The following PCDHGA2 variants were observed in gnomAD, a reference collection of about 807,000 sequenced individuals.
The protein encoded by PCDHGA2 is protocadherin gamma-A2.
PCDHGA2 carries 40 observed loss-of-function variants against 59.2 expected under a neutral mutation model. The ratio of observed to expected loss-of-function variants is 0.68; its 90% CI spans 0.52 to 0.88. The LOEUF is 0.88. PCDHGA2 is among the 40% of genes least tolerant of loss of function. The probability of loss-of-function intolerance (pLI) is 0.00; values close to 1 mark genes in which losing one functional copy is unlikely to be tolerated. For missense variants in PCDHGA2, 1,226 were observed against 1,204.0 expected, an observed-to-expected ratio of 1.02 and a Z score of -0.27; for synonymous variants, 560 against 526.0, an observed-to-expected ratio of 1.06 and a Z score of -0.89.
At chr5:141,364,571 A>G (rs750353960) in intron 1 of PCDHGA2, 5 of 1,614,012 alleles carry the variant, frequency 3.1e-6, no homozygotes, top group Admixed American at 3.3e-5. Flanking sequence ...GAACCCGCGA[A>G]GCGGCAGCTT....
chr5:141,425,934 G>A lies in PCDHGA2; in HGVS notation c.2425-68873G>A, dbSNP rs1237431530. Among the ~76,000 whole-genome samples, 4 of 152,352 alleles carry A rather than the reference G, an allele frequency of 2.6e-5. 1 individual carries two copies. Among genetic ancestry groups the A allele is most frequent in the East Asian group, 1.9e-4 (1 of 5,188 alleles). On this transcript the variant is annotated intron_variant, in intron 1 of 3. Coordinates refer to ENST00000394576, the MANE Select transcript of PCDHGA2 (RefSeq NM_018915.4). ...CAGTCACTACGAAAACTCATAAAAT[G>A]TCTAGTTTCCTATACATTAGTCCAA...
At chr5:141,450,829 A>T (rs187691791) in intron 1 of PCDHGA2, among the ~76,000 whole-genome samples, 19,077 of 135,014 alleles carry the variant, frequency 0.14, 1,595 homozygotes, top group African/African-American at 0.24. Context: ...TATTATTATT[A>T]TTTTTTTTTT....
chr5:141,393,526 A>G, intron 1 of PCDHGA2: 3 of 1,613,974 alleles, frequency 1.9e-6, no homozygotes, highest in East Asian at 2.2e-5. Context: ...ACAAATGACA[A>G]TGCCCCGGTT....
At chr5:141,426,775 A>G (rs2096959432) in intron 1 of PCDHGA2, 1 of 456,496 alleles carries the variant, frequency 2.2e-6, no homozygotes, top group South Asian at 1.5e-5. Context: ...GTAGGGCCTC[A>G]CTCTCTCCAG....
chr5:141,383,795 G>A (rs376874310), intron 1 of PCDHGA2: 12 of 1,613,822 alleles, frequency 7.4e-6, no homozygotes, highest in East Asian at 4.5e-5. Flanking sequence ...TCGCTTACAG[G>A]AGAAATATCA....
chr5:141,375,281 A>G (rs1157577123), intron 1 of PCDHGA2: 3 of 1,613,848 alleles, frequency 1.9e-6, no homozygotes, highest in Admixed American at 3.3e-5. Context: ...ATCAGTTGGC[A>G]ATTATTATCG....
At chr5:141,387,706 C>T in intron 1 of PCDHGA2, 1 of 992,322 alleles carries the variant, frequency 1.0e-6, no homozygotes. Flanking sequence ...CCAGGGCAGC[C>T]CCAGCTCAGA....
intron 1 of PCDHGA2, chr5:141,364,204 A>C (rs1763216193): frequency 1.7e-6 from 2 of 1,155,836 alleles, no homozygotes; most frequent in East Asian, 5.3e-5. Flanking sequence ...CAGACCAGAC[A>C]AGCTCCTACG....
chr5:141,349,649 A>G (rs1758332167), intron 1 of PCDHGA2, among the ~76,000 whole-genome samples: 1 of 152,212 alleles, frequency 6.6e-6, no homozygotes, highest in Admixed American at 6.5e-5. Flanking sequence ...GATTTAAAAT[A>G]CTAGATAAGG....
intron 1 of PCDHGA2, among the ~76,000 whole-genome samples, chr5:141,483,778 G>T (rs1012545478): frequency 1.6e-4 from 24 of 152,222 alleles, no homozygotes; most frequent in African/African-American, 5.8e-4. Context: ...ATTGGGGAAG[G>T]ATAAGAACTC....
Position 141,339,540 on chromosome 5 carries a change from A to G in PCDHGA2, c.569A>G (p.Lys190Arg), listed in dbSNP as rs765418882. 6.2e-7 allele frequency: 1 copy of G among 1,614,196 alleles called. No individual in the cohort carries two copies. The highest frequency in any genetic ancestry group is 2.2e-5 in the East Asian group (1 of 44,866). Residue 190 changes from lysine to arginine, a missense_variant, in exon 1 of 4, where the codon AAG (lysine) becomes AGG (arginine). By Grantham distance (26) the Lys-to-Arg change is conservative. Transcript: ENST00000394576. ...LDVRRGADGNKYPELVLERSL... is the reference protein window; with the variant it reads ...LDVRRGADGNRYPELVLERSL... ...GTGCGAAGGGGAGCTGATGGGAACA[A>G]GTACCCAGAACTGGTGCTGGAGCGC...
intron 1 of PCDHGA2, chr5:141,383,041 A>C: frequency 6.2e-7 from 1 of 1,613,860 alleles, no homozygotes; most frequent in Non-Finnish European, 8.5e-7. Context: ...TGTGGGAGAC[A>C]TCGCCAAGGA....
rs2233603 is a variant in PCDHGA2 at position 141,490,063 on chromosome 5, G to A, written c.2425-4744G>A. 1,259 of 1,614,208 alleles carry A rather than the reference G, an allele frequency of 7.8e-4. 6 individuals carry two copies. The African/African-American group carries it at 0.013, about 16-fold the overall frequency. On this transcript the variant is annotated intron_variant, in intron 1 of 3. Transcript: ENST00000394576. The surrounding 1 kb of genome is among the most constrained non-coding windows in gnomAD (Gnocchi z 5.4). ...CACTGATCCAGACGAGGGCACCAAC[G>A]GCCAACTAGACTATTCTTTTGGAGA...
intron 1 of PCDHGA2, among the ~76,000 whole-genome samples, chr5:141,359,576 A>C (rs541965330): frequency 6.6e-6 from 1 of 151,854 alleles, no homozygotes; most frequent in East Asian, 1.9e-4. Context: ...TATGATCTTT[A>C]AGATATAACA....
intron 1 of PCDHGA2, among the ~76,000 whole-genome samples, chr5:141,349,778 G>A (rs1758348917): frequency 6.6e-6 from 1 of 152,024 alleles, no homozygotes; most frequent in South Asian, 2.1e-4. Context: ...TAAATATAGT[G>A]AAATCACTGA....
chr5:141,474,135 G>C (rs1032470573), intron 1 of PCDHGA2, among the ~76,000 whole-genome samples: 2 of 152,062 alleles, frequency 1.3e-5, no homozygotes, highest in Admixed American at 1.3e-4. Context: ...GAAAACTACA[G>C]GCCTTATTAT....
intron 1 of PCDHGA2, chr5:141,404,653 C>A (rs754039673): frequency 2.4e-5 from 39 of 1,614,206 alleles, no homozygotes; most frequent in Non-Finnish European, 3.1e-5. Flanking sequence ...ACCCTGCCCT[C>A]CCCACTGATG....
chr5:141,505,243 G>A (rs2099844728), intron 2 of PCDHGA2, 150 bp from the exon 3 acceptor site: 1 of 1,424,622 alleles, frequency 7.0e-7, no homozygotes, highest in Non-Finnish European at 9.4e-7. Flanking sequence ...CTGAAGGATT[G>A]TAGAAGTGCC....
At chr5:141,366,172 A>G (rs559505576) in intron 1 of PCDHGA2, 15 of 1,614,076 alleles carry the variant, frequency 9.3e-6, no homozygotes, top group African/African-American at 8.0e-5. Context: ...CCAGCGAGCC[A>G]GGACTCTTTG....
Sources: allele counts gnomAD v4.1 joint callset (sites outside exome capture counted in the v4.1 genomes callset), GRCh38; gene constraint gnomAD v4.1.1; non-coding constraint Gnocchi (gnomAD v3.1); transcripts MANE v1.5; gene names NCBI Gene and HGNC (gene_info 2026-07-23, HGNC 2026-07-21).